Variants in WDFY3 observed in about 807,000 individuals in gnomAD.
WDFY3 encodes the protein WD repeat and FYVE domain containing 3.
In WDFY3, 66 loss-of-function variants were observed where a neutral mutation model predicts 409.6. The observed-to-expected ratio is 0.16, with a 90% confidence interval of 0.13 to 0.20. WDFY3 has a LOEUF of 0.20. WDFY3 is among the 10% of genes least tolerant of loss of function. The pLI is 1.00. For synonymous variants in WDFY3, 1,521 were observed against 1,537.1 expected (o/e 0.99, Z 0.25); for missense variants, 3,031 against 4,298.1 (o/e 0.71, Z 8.24).
chr4:84,901,066 G>A (rs1003477849), intron 2 of WDFY3, among the ~76,000 whole-genome samples: 13 of 152,198 alleles, frequency 8.5e-5, no homozygotes, highest in Non-Finnish European at 8.8e-5. Flanking sequence ...TGGAGGGGAG[G>A]AGCGTGTGTC....
intron 6 of WDFY3, among the ~76,000 whole-genome samples, chr4:84,839,563 A>C (rs1297207444): frequency 6.6e-6 from 1 of 151,928 alleles, no homozygotes; most frequent in East Asian, 1.9e-4. Flanking sequence ...CTGAGTTAAA[A>C]AAAAAAAAAG....
rs1750399045 is a variant in WDFY3 at position 84,800,837 on chromosome 4, T to C, written c.2822+813A>G. On this transcript the variant is annotated intron_variant, in intron 17 of 67. Transcript: ENST00000295888. The stretch of plus-strand genomic sequence containing the variant: ...AATAGGGTTCACGCTCCTATGAGTA[T>C]CTAATGCTACTGCTGATTTGACAGG... Among the ~76,000 whole-genome samples, 4 of 152,168 alleles carry C rather than the reference T, an allele frequency of 2.6e-5. No individual in the cohort carries two copies. In the South Asian group the frequency reaches 8.3e-4, roughly 32 times the overall value.
intron 1 of WDFY3, among the ~76,000 whole-genome samples, chr4:84,937,755 CT>C (rs113337599): frequency 1.3e-5 from 2 of 152,240 alleles, no homozygotes; most frequent in African/African-American, 4.8e-5. Context: ...CCTATTACCC[CT>C]GACTTCATTT....
At chr4:84,681,593 TA>T (rs1727359212) in intron 64 of WDFY3, among the ~76,000 whole-genome samples, 1 of 152,220 alleles carries the variant, frequency 6.6e-6, no homozygotes, top group Non-Finnish European at 1.5e-5. Flanking sequence ...TTTCCTTTAT[TA>T]ACTCTCTCAC....
intron 10 of WDFY3, among the ~76,000 whole-genome samples, chr4:84,825,055 G>A (rs994125413): frequency 2.0e-5 from 3 of 152,048 alleles, no homozygotes. Context: ...TTATGTCACT[G>A]GATTCTCACC....
chr4:84,769,644 G>A (rs532625619), intron 30 of WDFY3, among the ~76,000 whole-genome samples: 5 of 152,022 alleles, frequency 3.3e-5, no homozygotes, highest in Admixed American at 1.3e-4. Flanking sequence ...GGATGGTCTC[G>A]ATCTCCTGAC....
At chr4:84,941,346 A>T (rs1772095102) in intron 1 of WDFY3, among the ~76,000 whole-genome samples, 1 of 152,034 alleles carries the variant, frequency 6.6e-6, no homozygotes, top group Non-Finnish European at 1.5e-5. Flanking sequence ...AACAACTAAA[A>T]GTTATAGATA....
At chr4:84,720,901 A>T (rs896066019) in intron 47 of WDFY3, among the ~76,000 whole-genome samples, 1 of 152,230 alleles carries the variant, frequency 6.6e-6, no homozygotes, top group Non-Finnish European at 1.5e-5. Flanking sequence ...GCTACAAGAC[A>T]GAGTCAGTGG....
At chr4:84,732,153 G>C (rs1237137237) in intron 44 of WDFY3, among the ~76,000 whole-genome samples, 1 of 152,066 alleles carries the variant, frequency 6.6e-6, no homozygotes. Flanking sequence ...TGGCATTCTT[G>C]GCAGAATTGA....
At chr4:84,824,797 T>C (rs976027970) in intron 10 of WDFY3, among the ~76,000 whole-genome samples, 2 of 152,156 alleles carry the variant, frequency 1.3e-5, no homozygotes, top group Non-Finnish European at 2.9e-5. Context: ...CCACATTCTT[T>C]CTATAATGGA....
chr4:84,808,455 T>A (rs1751904277), intron 14 of WDFY3, 38 bp from the exon 15 acceptor site: 1 of 1,588,980 alleles, frequency 6.3e-7, no homozygotes. Flanking sequence ...TTTAGAGAGG[T>A]TAGAAGAAGA....
Position 84,826,915 on chromosome 4 carries a change from G to A in WDFY3, c.1023C>T (p.Ser341=), listed in dbSNP as rs776919953. 3.1e-6 allele frequency: 5 copies of A among 1,610,520 alleles called. No individual in the cohort carries two copies. Among genetic ancestry groups the A allele is most frequent in the Admixed American group, 1.7e-5 (1 of 58,912 alleles). The change falls in exon 10 of 68, where the codon TCC becomes TCT. Residue 341 remains serine (S), a synonymous_variant. Transcript: ENST00000295888. Reference sequence around the variant, plus strand: ...GTTCACTGACACCATATGTTGTTAGGGAAGTTATCAGATTAACCAGATCTT... The same window carrying A: ...GTTCACTGACACCATATGTTGTTAGAGAAGTTATCAGATTAACCAGATCTT... ...ALKDLVNLIT[S]LTTYGVSELK... is the part of the protein sequence containing the mutation.
chr4:84,892,461 A>G (rs1335465622), intron 3 of WDFY3, among the ~76,000 whole-genome samples: 1 of 152,168 alleles, frequency 6.6e-6, no homozygotes, highest in Non-Finnish European at 1.5e-5. Flanking sequence ...TCATTTTGTT[A>G]ATATCAAATA....
chr4:84,708,823 G>T, intron 53 of WDFY3, 86 bp downstream of exon 53: 1 of 1,444,148 alleles, frequency 6.9e-7, no homozygotes, highest in South Asian at 1.3e-5. Flanking sequence ...TTTTAGGGAT[G>T]AGCCACTGCA....
At chr4:84,731,387 C>A (rs1736583093) in intron 44 of WDFY3, among the ~76,000 whole-genome samples, 1 of 152,146 alleles carries the variant, frequency 6.6e-6, no homozygotes, top group South Asian at 2.1e-4. Flanking sequence ...ACTACTAAAA[C>A]CAAAATAAAA....
At chr4:84,867,151 CAATA>C (rs1018709223) in intron 3 of WDFY3, among the ~76,000 whole-genome samples, 1 of 152,152 alleles carries the variant, frequency 6.6e-6, no homozygotes, top group Non-Finnish European at 1.5e-5. Flanking sequence ...TAGTTACATT[CAATA>C]AATGTTATCT....
rs776763296 is a variant in WDFY3, at chr4:84,757,163, TAAGAG to T, written c.5189-7_5189-3del. 9.9e-6 allele frequency: 16 copies of T among 1,612,238 alleles called. No homozygotes were observed. The East Asian group carries it at 3.6e-4, about 36-fold the overall frequency. On this transcript the variant is annotated splice_polypyrimidine_tract_variant and splice_region_variant and intron_variant, in intron 32 of 67. Coordinates refer to ENST00000295888, the MANE Select transcript of WDFY3 (RefSeq NM_014991.6). ...CAGCACTTCTGCCCACGTTGAATCC[TAAGAG>T]AAGAGGAATATAACAGTAAGTGCAA...
intron 3 of WDFY3, among the ~76,000 whole-genome samples, chr4:84,864,650 A>G (rs1162651941): frequency 6.6e-6 from 1 of 152,182 alleles, no homozygotes; most frequent in Non-Finnish European, 1.5e-5. Context: ...TACCTTTAAG[A>G]GAGGCCCCCA....
intron 4 of WDFY3, among the ~76,000 whole-genome samples, chr4:84,855,930 T>C (rs1297553658): frequency 6.6e-6 from 1 of 152,222 alleles, no homozygotes; most frequent in Non-Finnish European, 1.5e-5. Flanking sequence ...CATGAGAATA[T>C]GCATTCTCAT....
Sources: gnomAD v4.1 joint callset for allele counts (sites outside exome capture counted in the v4.1 genomes callset) on GRCh38, gnomAD v4.1.1 for gene constraint, MANE v1.5 for transcripts, NCBI Gene and HGNC (gene_info 2026-07-23, HGNC 2026-07-21) for gene names.